MITF: variants seen among roughly 807,000 people sequenced by gnomAD.
The protein encoded by MITF is microphthalmia-associated transcription factor.
MITF carries 17 observed loss-of-function variants against 60.5 expected under a neutral mutation model. That is an observed-to-expected ratio of 0.28 (90% CI 0.19 to 0.42). The LOEUF (loss-of-function observed/expected upper bound fraction) is 0.42, where lower values mean the gene tolerates loss of function less well. Among genes scored for constraint, MITF ranks in the 10% least tolerant of loss-of-function variants. The probability of loss-of-function intolerance (pLI) is 1.00; values close to 1 mark genes in which losing one functional copy is unlikely to be tolerated. For synonymous variants in MITF, 260 were observed against 248.5 expected (o/e 1.05, Z -0.43); for missense variants, 622 against 683.5 (o/e 0.91, Z 1.00).
chr3:69,763,822 C>T (rs1030325712), intron 1 of MITF: 58 of 1,365,066 alleles, frequency 4.2e-5, no homozygotes, highest in African/African-American at 5.8e-5. Context: ...AGACCTATTC[C>T]GCTCCATCTC....
chr3:69,759,605 A>G (rs2062180911), intron 1 of MITF, among the ~76,000 whole-genome samples: 1 of 152,258 alleles, frequency 6.6e-6, no homozygotes, highest in Non-Finnish European at 1.5e-5. Flanking sequence ...GAATCCATGA[A>G]TAATGAGGGT....
intron 2 of MITF, among the ~76,000 whole-genome samples, chr3:69,919,581 C>T (rs1559720087): frequency 2.0e-5 from 3 of 152,082 alleles, no homozygotes; most frequent in Non-Finnish European, 4.4e-5. Context: ...TTCCTTCTAA[C>T]TCTTTATTAT....
At chr3:69,807,063 A>G (rs1254434111) in intron 1 of MITF, among the ~76,000 whole-genome samples, 2 of 152,186 alleles carry the variant, frequency 1.3e-5, no homozygotes, top group Admixed American at 6.5e-5. Flanking sequence ...TAGGAAAACA[A>G]CTAAACTGGT....
intron 2 of MITF, among the ~76,000 whole-genome samples, chr3:69,884,658 G>A (rs1366017234): frequency 1.3e-5 from 2 of 152,144 alleles, no homozygotes; most frequent in Non-Finnish European, 2.9e-5. Flanking sequence ...GCTCCATAGA[G>A]TTGTCTTACT....
intron 4 of MITF, among the ~76,000 whole-genome samples, chr3:69,939,427 C>A (rs2065920139): frequency 6.6e-6 from 1 of 151,802 alleles, no homozygotes; most frequent in African/African-American, 2.4e-5. Context: ...TCTTAAAGTA[C>A]ATAAATTTTA....
intron 1 of MITF, among the ~76,000 whole-genome samples, chr3:69,819,213 T>C (rs2063227980): frequency 6.6e-6 from 1 of 152,216 alleles, no homozygotes; most frequent in African/African-American, 2.4e-5. Context: ...TTGTGTTTTC[T>C]ATAACCTTCT....
At chr3:69,962,162 C>A (rs186864254) in intron 9 of MITF, among the ~76,000 whole-genome samples, 51 of 152,288 alleles carry the variant, frequency 3.3e-4, no homozygotes, top group Non-Finnish European at 4.4e-5. Context: ...AGACAATCTG[C>A]CTGTGTGGAG....
intron 1 of MITF, among the ~76,000 whole-genome samples, chr3:69,790,869 G>A (rs955365963): frequency 3.9e-5 from 6 of 152,110 alleles, no homozygotes; most frequent in Admixed American, 3.3e-4. Flanking sequence ...CCAAGTCCTC[G>A]TGCAGATATA....
chr3:69,934,858 G>A (rs1341381580), intron 2 of MITF, among the ~76,000 whole-genome samples: 1 of 152,204 alleles, frequency 6.6e-6, no homozygotes. Context: ...TAGTTTGTGG[G>A]CCGAGGCTTG....
chr3:69,792,685 T>C (rs1409525253), intron 1 of MITF, among the ~76,000 whole-genome samples: 1 of 152,164 alleles, frequency 6.6e-6, no homozygotes, highest in Non-Finnish European at 1.5e-5. Context: ...TTGACTTCCC[T>C]GGCATTATTT....
At chr3:69,803,944 T>C (rs2566476) in intron 1 of MITF, among the ~76,000 whole-genome samples, 3 of 152,142 alleles carry the variant, frequency 2.0e-5, no homozygotes, top group Admixed American at 1.3e-4. Context: ...GCTAGGCTGT[T>C]AATTTTTTTT....
chr3:69,883,127 A>G (rs2107291627), intron 2 of MITF, among the ~76,000 whole-genome samples: 1 of 152,276 alleles, frequency 6.6e-6, no homozygotes, highest in Admixed American at 6.5e-5. Context: ...TTTAAAAGGA[A>G]AAGATTTTTT....
intron 1 of MITF, among the ~76,000 whole-genome samples, chr3:69,804,108 T>G (rs1197195200): frequency 6.6e-6 from 1 of 152,200 alleles, no homozygotes; most frequent in African/African-American, 2.4e-5. Context: ...TAATTGTATA[T>G]GAAATGTCTA....
intron 2 of MITF, among the ~76,000 whole-genome samples, chr3:69,908,956 T>G (rs997558423): frequency 1.3e-5 from 2 of 152,212 alleles, no homozygotes; most frequent in African/African-American, 4.8e-5. Context: ...TTGATGCTTA[T>G]AGTTATAGGA....
At chr3:69,956,381 T>G (rs1174853368) in intron 7 of MITF, 74 bp from the exon 8 acceptor site, 2 of 1,176,008 alleles carry the variant, frequency 1.7e-6, no homozygotes, top group African/African-American at 3.0e-5. Context: ...AATATGCACA[T>G]GCCTTTAATG....
chr3:69,945,617 A>G (rs1223662374), intron 5 of MITF, among the ~76,000 whole-genome samples: 1 of 152,198 alleles, frequency 6.6e-6, no homozygotes, highest in Non-Finnish European at 1.5e-5. Context: ...GCTTCAGCAA[A>G]TAAGAGCGGT....
chr3:69,771,581 T>C (rs2062394996), intron 1 of MITF, among the ~76,000 whole-genome samples: 1 of 152,226 alleles, frequency 6.6e-6, no homozygotes, highest in Non-Finnish European at 1.5e-5. Flanking sequence ...AGAGAATACC[T>C]ATAGCCCTCT....
At chr3:69,808,099 TA>T (rs948335457) in intron 1 of MITF, among the ~76,000 whole-genome samples, 2 of 148,132 alleles carry the variant, frequency 1.4e-5, no homozygotes, top group Non-Finnish European at 3.0e-5. Context: ...ATATAAAATA[TA>T]AAAATATAGA....
At chr3:69,912,081 G>A (rs1386579041) in intron 2 of MITF, among the ~76,000 whole-genome samples, 2 of 152,184 alleles carry the variant, frequency 1.3e-5, no homozygotes, top group African/African-American at 2.4e-5. Flanking sequence ...AGATGGGTGT[G>A]TTTTTTCATG....
Sources: allele counts gnomAD v4.1 joint callset (sites outside exome capture counted in the v4.1 genomes callset), GRCh38; gene constraint gnomAD v4.1.1; transcripts MANE v1.5; gene names NCBI Gene and HGNC (gene_info 2026-07-23, HGNC 2026-07-21).